Variants in SLC30A8 observed in about 807,000 individuals in gnomAD.
SLC30A8 encodes the protein proton-coupled zinc antiporter SLC30A8.
In SLC30A8, 27 loss-of-function variants were observed where a neutral mutation model predicts 36.9. The ratio of observed to expected loss-of-function variants is 0.73; its 90% CI spans 0.54 to 1.01. SLC30A8 has a LOEUF of 1.01. Among genes scored for constraint, SLC30A8 ranks in the 50% least tolerant of loss-of-function variants. SLC30A8 has a pLI of 0.00. For synonymous variants in SLC30A8, 164 were observed against 172.4 expected (o/e 0.95, Z 0.38); for missense variants, 439 against 452.0 (o/e 0.97, Z 0.26).
intron 2 of SLC30A8, among the ~76,000 whole-genome samples, chr8:117,066,702 T>C (rs1292766004): frequency 6.6e-6 from 1 of 152,116 alleles, no homozygotes; most frequent in Non-Finnish European, 1.5e-5. Context: ...GTGCTAGGAC[T>C]CCTGGAAAAG....
At chr8:116,957,111 A>T (rs1814237272) in intron 1 of SLC30A8, among the ~76,000 whole-genome samples, 1 of 152,108 alleles carries the variant, frequency 6.6e-6, no homozygotes, top group African/African-American at 2.4e-5. Flanking sequence ...AAAAAGTGGC[A>T]TTTTTTATAT....
intron 2 of SLC30A8, among the ~76,000 whole-genome samples, chr8:117,116,122 G>A (rs1803558137): frequency 6.6e-6 from 1 of 152,030 alleles, no homozygotes; most frequent in African/African-American, 2.4e-5. Flanking sequence ...TAGGACCAGT[G>A]TGGTTGGAGT....
intron 2 of SLC30A8, among the ~76,000 whole-genome samples, chr8:117,149,102 TTTGA>T (rs1822043205): frequency 6.6e-6 from 1 of 152,242 alleles, no homozygotes; most frequent in South Asian, 2.1e-4. Context: ...CAAATCTATG[TTTGA>T]TTATTTAGCT....
At chr8:117,134,735 T>G (rs1821279767), upstream of SLC30A8, 2 of 152,046 alleles carry the variant, frequency 1.3e-5, no homozygotes, top group African/African-American at 4.8e-5. Flanking sequence ...ATTACTGGTT[T>G]CAGAAACTAT....
intron 1 of SLC30A8, among the ~76,000 whole-genome samples, chr8:117,138,309 A>C (rs1821466152): frequency 6.6e-6 from 1 of 151,994 alleles, no homozygotes; most frequent in Admixed American, 6.6e-5. Flanking sequence ...AATCTCTGGA[A>C]GTTGTCTTAA....
At chr8:117,169,021 C>T (rs1160932312) in intron 6 of SLC30A8, among the ~76,000 whole-genome samples, 1 of 152,132 alleles carries the variant, frequency 6.6e-6, no homozygotes, top group Non-Finnish European at 1.5e-5. Flanking sequence ...AAACTTTACA[C>T]ATAGTGGGCC....
intron 1 of SLC30A8, among the ~76,000 whole-genome samples, chr8:117,139,859 T>TAAAAAAA (rs61537395): frequency 9.1e-6 from 1 of 109,730 alleles, no homozygotes; most frequent in Non-Finnish European, 1.9e-5. Context: ...CAACATCTGG[T>TAAAAAAA]AAAAAAAAAA....
At chr8:116,995,429 A>G (rs1357776021) in intron 1 of SLC30A8, among the ~76,000 whole-genome samples, 2 of 151,966 alleles carry the variant, frequency 1.3e-5, no homozygotes, top group Non-Finnish European at 2.9e-5. Flanking sequence ...TTCATTTCCC[A>G]CTAGATGTGA....
chr8:117,006,413 G>A (rs918276438), intron 1 of SLC30A8, among the ~76,000 whole-genome samples: 2 of 152,178 alleles, frequency 1.3e-5, no homozygotes, highest in Admixed American at 6.5e-5. Context: ...AACAGGAAGG[G>A]AGGAAAGATG....
chr8:117,015,101 A>G lies in SLC30A8; in HGVS notation c.-265-24118A>G, dbSNP rs71530852. Among the ~76,000 whole-genome samples the G allele has an allele frequency of 3.6e-3, 544 of 152,024 alleles. 5 individuals are homozygous for G. Among genetic ancestry groups the G allele is most frequent in the Middle Eastern group, 0.01 (3 of 294 alleles). On this transcript the variant is annotated intron_variant, in intron 1 of 10. Coordinates refer to the SLC30A8 transcript ENST00000427715. The stretch of plus-strand genomic sequence containing the variant: ...CTTTTTAGAGGCTGTTGAAAGGACA[A>G]GATGTTGGTGAGGGGAGCTTATAGG...
intron 1 of SLC30A8, among the ~76,000 whole-genome samples, chr8:116,979,682 C>T (rs1043006620): frequency 1.3e-5 from 2 of 152,126 alleles, no homozygotes; most frequent in Non-Finnish European, 2.9e-5. Context: ...GTGAGGCCAA[C>T]GCAAGTGGAT....
chr8:117,113,270 T>C (rs939319877), intron 2 of SLC30A8, among the ~76,000 whole-genome samples: 4 of 152,174 alleles, frequency 2.6e-5, no homozygotes, highest in African/African-American at 2.4e-5. Flanking sequence ...GGGAAAATAA[T>C]GAACTAGTGG....
intron 2 of SLC30A8, among the ~76,000 whole-genome samples, chr8:117,053,774 A>C (rs559380964): frequency 6.8e-4 from 104 of 152,310 alleles, no homozygotes; most frequent in African/African-American, 2.4e-3. Flanking sequence ...GAGCAACTGA[A>C]ATAGTCAGTG....
rs962746951 is a variant in SLC30A8, at chr8:117,000,459, G to C, written c.-265-38760G>C. 3.3e-5 allele frequency among the ~76,000 whole-genome samples: 5 copies of C among 152,164 alleles called. No homozygotes were observed. The East Asian group carries it at 5.8e-4, about 18-fold the overall frequency. ...GACACTATTTTGCAAGCTCTGAAGAGCTGTAAAAGTGTATAAATTGTAAAC... is the reference window on the plus strand; with the variant it reads ...GACACTATTTTGCAAGCTCTGAAGACCTGTAAAAGTGTATAAATTGTAAAC... On this transcript the variant is annotated intron_variant, in intron 1 of 10. Coordinates refer to the SLC30A8 transcript ENST00000427715.
chr8:117,134,761 C>G (rs1437368870), upstream of SLC30A8: 1 of 151,976 alleles, frequency 6.6e-6, no homozygotes, highest in Non-Finnish European at 1.5e-5. Flanking sequence ...CTTGTCCTCC[C>G]TTTCAATAGT....
chr8:117,087,529 T>A (rs1403873443), intron 2 of SLC30A8, among the ~76,000 whole-genome samples: 3 of 152,166 alleles, frequency 2.0e-5, no homozygotes, highest in African/African-American at 7.2e-5. Flanking sequence ...CAAGCTGGCT[T>A]CGTCTTTTTT....
chr8:117,165,446 A>G (rs1477556357), intron 6 of SLC30A8, among the ~76,000 whole-genome samples: 1 of 152,236 alleles, frequency 6.6e-6, no homozygotes, highest in Non-Finnish European at 1.5e-5. Context: ...GAACCAGTCA[A>G]TCATAGATGC....
At chr8:117,060,690 C>T (rs1353928282) in intron 2 of SLC30A8, among the ~76,000 whole-genome samples, 1 of 152,098 alleles carries the variant, frequency 6.6e-6, no homozygotes, top group Non-Finnish European at 1.5e-5. Flanking sequence ...ACTTAAATCC[C>T]CTGTTGATTC....
chr8:117,172,442 G>C lies in SLC30A8; in HGVS notation c.965-94G>C, dbSNP rs953714484. 2.2e-5 allele frequency: 35 copies of C among 1,555,586 alleles called. No homozygotes were observed. In the Admixed American group the frequency reaches 5.5e-4, roughly 25 times the overall value. On this transcript the variant is annotated intron_variant, in intron 7 of 7. Transcript: ENST00000456015. Reference sequence around the variant, plus strand: ...AGTGCCCTGCCTCTGCCCCACCCCAGCAGGTCAAAGACAAAGTACTTGAAG... The same window carrying C: ...AGTGCCCTGCCTCTGCCCCACCCCACCAGGTCAAAGACAAAGTACTTGAAG...
Sources: gnomAD v4.1 joint callset for allele counts (sites outside exome capture counted in the v4.1 genomes callset) on GRCh38, gnomAD v4.1.1 for gene constraint, MANE v1.5 for transcripts, NCBI Gene and HGNC (gene_info 2026-07-23, HGNC 2026-07-21) for gene names.